Variants in FBXL17 observed in about 807,000 individuals in gnomAD.
FBXL17 encodes F-box and leucine rich repeat protein 17.
A neutral mutation model predicts 66.2 loss-of-function variants in FBXL17; 22 were observed. That is an observed-to-expected ratio of 0.33 (90% CI 0.24 to 0.47). The LOEUF (loss-of-function observed/expected upper bound fraction) is 0.47. Ranked by LOEUF, FBXL17 falls within the 20% of genes least tolerant of loss-of-function variation. The probability of loss-of-function intolerance (pLI) is 1.00; values close to 1 mark genes in which losing one functional copy is unlikely to be tolerated. For missense variants in FBXL17, 878 were observed against 948.2 expected, an observed-to-expected ratio of 0.93 and a Z score of 0.97; for synonymous variants, 474 against 400.5, an observed-to-expected ratio of 1.18 and a Z score of -2.19.
intron 6 of FBXL17, among the ~76,000 whole-genome samples, chr5:108,119,181 T>C (rs746997635): frequency 6.6e-6 from 1 of 152,214 alleles, no homozygotes; most frequent in Non-Finnish European, 1.5e-5. Flanking sequence ...TAGCCTCTTA[T>C]TACTCTTGTT....
chr5:107,984,415 A>C lies in FBXL17; in HGVS notation c.1822+36510T>G, dbSNP rs1752940147. ...GGAATGACAGTATTAAAAAAGGTCT[A>C]GTCTCTCATGCTGATGCTGATGAGG... is the stretch of plus-strand genomic sequence containing the variant. On this transcript the variant is annotated intron_variant, in intron 7 of 8. Coordinates refer to ENST00000542267, the MANE Select transcript of FBXL17 (RefSeq NM_001163315.3). Among the ~76,000 whole-genome samples, 5 of 152,178 alleles carry C rather than the reference A, an allele frequency of 3.3e-5. 2 individuals carry two copies. In the South Asian group the frequency reaches 1.0e-3, roughly 32 times the overall value.
intron 4 of FBXL17, among the ~76,000 whole-genome samples, chr5:108,230,230 A>T (rs1390928159): frequency 6.6e-6 from 1 of 152,234 alleles, no homozygotes; most frequent in East Asian, 1.9e-4. Context: ...GTATCTACCC[A>T]GAGGAAAAGA....
chr5:108,242,379 G>T (rs886727768), intron 4 of FBXL17, among the ~76,000 whole-genome samples: 1 of 151,494 alleles, frequency 6.6e-6, no homozygotes, highest in Non-Finnish European at 1.5e-5. Context: ...TGTTGTTGTT[G>T]TTGTTGTTGT....
chr5:107,966,512 T>A (rs553424009), intron 7 of FBXL17, among the ~76,000 whole-genome samples: 1 of 152,118 alleles, frequency 6.6e-6, no homozygotes, highest in Non-Finnish European at 1.5e-5. Context: ...TTTCAAGCAA[T>A]CCCTGTTTCC....
chr5:107,991,274 T>C (rs144074295), intron 7 of FBXL17, among the ~76,000 whole-genome samples: 3 of 152,268 alleles, frequency 2.0e-5, no homozygotes, highest in African/African-American at 7.2e-5. Flanking sequence ...ACTGAGGAGA[T>C]ACTGAATGCA....
chr5:108,068,439 CTTATT>C (rs1367048233), intron 6 of FBXL17, among the ~76,000 whole-genome samples: 1 of 98,904 alleles, frequency 1.0e-5, no homozygotes, highest in Non-Finnish European at 2.0e-5. Context: ...AATTTCTTTT[CTTATT>C]TTTTTTCTTT....
intron 7 of FBXL17, among the ~76,000 whole-genome samples, chr5:108,007,675 C>G (rs55696345): frequency 0.021 from 3,098 of 148,166 alleles, 52 homozygotes; most frequent in Non-Finnish European, 0.028. Flanking sequence ...TACTAAATAT[C>G]AAGACCACAC....
intron 6 of FBXL17, among the ~76,000 whole-genome samples, chr5:108,081,876 ACTCT>A (rs1287116100): frequency 6.6e-6 from 1 of 151,948 alleles, no homozygotes; most frequent in Non-Finnish European, 1.5e-5. Flanking sequence ...TCCCGCTTCT[ACTCT>A]CTCCGAGTAA....
At chr5:108,216,711 C>T (rs561481037) in intron 5 of FBXL17, among the ~76,000 whole-genome samples, 93 of 152,158 alleles carry the variant, frequency 6.1e-4, no homozygotes, top group Middle Eastern at 3.4e-3. Flanking sequence ...GAGAGGCCCC[C>T]GCCTGTGGGT....
intron 6 of FBXL17, among the ~76,000 whole-genome samples, chr5:108,024,616 C>T (rs1355454301): frequency 6.6e-6 from 1 of 152,050 alleles, no homozygotes; most frequent in African/African-American, 2.4e-5. Flanking sequence ...GACATTGCTA[C>T]CATTGTAAAT....
chr5:108,018,105 T>C (rs1754452500), intron 7 of FBXL17, among the ~76,000 whole-genome samples: 1 of 151,866 alleles, frequency 6.6e-6, no homozygotes, highest in Non-Finnish European at 1.5e-5. Context: ...CCCACCACCA[T>C]AGAAAGAGGA....
intron 3 of FBXL17, among the ~76,000 whole-genome samples, chr5:108,357,889 C>CGT (rs1748102881): frequency 6.6e-6 from 1 of 151,816 alleles, no homozygotes; most frequent in African/African-American, 2.4e-5. Flanking sequence ...AAAAATAAAA[C>CGT]ATCAAAATTT....
intron 1 of FBXL17, among the ~76,000 whole-genome samples, chr5:108,375,995 A>G (rs1205661965): frequency 1.3e-5 from 2 of 152,218 alleles, no homozygotes; most frequent in African/African-American, 4.8e-5. Flanking sequence ...ACACCATATT[A>G]ATAGAATAAA....
chr5:108,058,473 T>A (rs1267996822), intron 6 of FBXL17, among the ~76,000 whole-genome samples: 1 of 150,600 alleles, frequency 6.6e-6, no homozygotes, highest in African/African-American at 2.5e-5. Flanking sequence ...CTCTCTCTCC[T>A]TTTCTTTCTT....
At chr5:107,999,452 AACACACACACACACACACAC>A (rs55900474) in intron 7 of FBXL17, among the ~76,000 whole-genome samples, 1 of 144,436 alleles carries the variant, frequency 6.9e-6, no homozygotes, top group African/African-American at 2.6e-5. Flanking sequence ...TTTTGTCAGA[AACACACACACACACACACAC>A]ACACACACAC....
In FBXL17 at chr5:107,860,214, T is replaced by A. The variant is rs1236725046; in HGVS notation, c.*1506A>T. 4 of 152,768 alleles carry A rather than the reference T, an allele frequency of 2.6e-5. No individual in the cohort carries two copies. In the South Asian group the frequency reaches 8.3e-4, roughly 32 times the overall value. The allele number at this position is 152,768 out of a possible 1,614,324, so 9.5% of individuals were successfully genotyped here. A position where few individuals can be genotyped will look rare whatever the true frequency, so the allele number is the denominator to read the frequency against. On this transcript the variant is annotated 3_prime_UTR_variant, in exon 9 of 9. Transcript: ENST00000542267. ...CTTACAGCTAATGTCATGTTAGCAA[T>A]GTGAGACTTAAAGAAAGTGAAACTC... is the stretch of plus-strand genomic sequence containing the variant.
chr5:108,059,013 T>C (rs1747820808), intron 6 of FBXL17, among the ~76,000 whole-genome samples: 2 of 152,206 alleles, frequency 1.3e-5, no homozygotes, highest in South Asian at 4.1e-4. Context: ...CTCAGATCCT[T>C]GGGTCACAAT....
chr5:108,192,337 AT>A (rs2150039353), intron 5 of FBXL17, among the ~76,000 whole-genome samples: 1 of 152,310 alleles, frequency 6.6e-6, no homozygotes, highest in South Asian at 2.1e-4. Context: ...TTTCACTCCA[AT>A]TTTTAAATAT....
At chr5:108,262,817 A>G (rs145869848) in intron 4 of FBXL17, among the ~76,000 whole-genome samples, 21 of 152,336 alleles carry the variant, frequency 1.4e-4, no homozygotes, top group African/African-American at 4.6e-4. Context: ...ATGTAAACTT[A>G]GTTCAGCAGT....
Sources: gnomAD v4.1 joint callset for allele counts (sites outside exome capture counted in the v4.1 genomes callset) on GRCh38, gnomAD v4.1.1 for gene constraint, MANE v1.5 for transcripts, NCBI Gene and HGNC (gene_info 2026-07-23, HGNC 2026-07-21) for gene names.